SPACA6: variants seen among roughly 807,000 people sequenced by gnomAD.
SPACA6 encodes the protein sperm acrosome membrane-associated protein 6.
For missense variants in SPACA6, 8 were observed against 2.8 expected (o/e 2.88, Z -1.34); for synonymous variants, 6 against 1.5 (o/e 4.05, Z -2.21).
At chr19:51,705,848 C>T (rs969707739), downstream of SPACA6, among the ~76,000 whole-genome samples, 1 of 152,130 alleles carries the variant, frequency 6.6e-6, no homozygotes, top group Middle Eastern at 3.2e-3. Flanking sequence ...AGGTGCCCAC[C>T]ACCACACCCG....
chr19:51,700,774 C>T (rs2083462782), intron 2 of SPACA6, among the ~76,000 whole-genome samples: 1 of 151,954 alleles, frequency 6.6e-6, no homozygotes, highest in South Asian at 2.1e-4. Context: ...CAGATGAGAG[C>T]TAGGAATGAA....
At position 51,704,332 on chromosome 19, in the gene SPACA6, T is replaced by A. The variant is rs141873740; in HGVS notation, c.793T>A (p.Trp265Arg). 8,042 of 400,798 alleles carry A rather than the reference T, an allele frequency of 0.02. 115 individuals carry two copies. The highest frequency in any genetic ancestry group is 0.027 in the Non-Finnish European group (6,114 of 226,078). The allele number at this position is 400,798 out of a possible 1,614,324, so 24.8% of individuals were successfully genotyped here. Residue 265 changes from tryptophan (W) to arginine (R), a missense_variant, in exon 8 of 9, where the codon TGG (tryptophan) becomes AGG (arginine). Transcript: ENST00000637797. ...GGCCTCGTTCCGGGAAGTGCTGCGC[T>A]GGGCGCCGCGGGATGCCGAGCTGAT... Reference protein sequence around the residue: ...LQASFREVLRWAPRDAELIEP... With the variant: ...LQASFREVLRRAPRDAELIEP...
intron 2 of SPACA6, among the ~76,000 whole-genome samples, chr19:51,695,542 G>A (rs1383548581): frequency 6.6e-6 from 1 of 152,220 alleles, no homozygotes; most frequent in African/African-American, 2.4e-5. Context: ...CCACCCAGGG[G>A]GCATCCAGGG....
At position 51,693,683 on chromosome 19, in the gene SPACA6, G is replaced by C; in HGVS notation, c.157G>C (p.Glu53Gln). 1 of 413,378 alleles carries C rather than the reference G, an allele frequency of 2.4e-6. No individual in the cohort carries two copies. Among genetic ancestry groups the C allele is most frequent in the Non-Finnish European group, 4.3e-6 (1 of 232,578 alleles). 25.6% of individuals were successfully genotyped at this position (413,378 alleles called of 1,614,324 possible). ...MFVGMRSPKL[E>Q]ECEEAFTAAF... Reference sequence around the variant, plus strand: ...TGTTGGGATGCGGAGCCCCAAGCTTGAAGAGTGTGAGGAGGCCTTCACGGC... The same window carrying C: ...TGTTGGGATGCGGAGCCCCAAGCTTCAAGAGTGTGAGGAGGCCTTCACGGC... Residue 53 changes from glutamate (E) to glutamine (Q), a missense_variant, in exon 1 of 9, where the codon GAA (glutamate) becomes CAA (glutamine). Transcript: ENST00000637797.
downstream of SPACA6, among the ~76,000 whole-genome samples, chr19:51,706,286 T>G (rs938319927): frequency 1.3e-5 from 2 of 152,138 alleles, no homozygotes; most frequent in Non-Finnish European, 2.9e-5. Context: ...GAATAATATT[T>G]TCTCCTTTTT....
chr19:51,697,338 C>T (rs1474496316), intron 2 of SPACA6, among the ~76,000 whole-genome samples: 1 of 152,130 alleles, frequency 6.6e-6, no homozygotes, highest in Non-Finnish European at 1.5e-5. Flanking sequence ...TGGCTTGGAC[C>T]AGTCACAGTG....
chr19:51,682,761 T>C, the SPACA6 span, among the ~76,000 whole-genome samples: 1 of 152,158 alleles, frequency 6.6e-6, no homozygotes, highest in East Asian at 1.9e-4. Flanking sequence ...ACAGAAATTA[T>C]CCGGGCACAG....
At chr19:51,691,202 A>AG (rs2083368999), upstream of SPACA6, among the ~76,000 whole-genome samples, 2 of 148,316 alleles carry the variant, frequency 1.3e-5, no homozygotes, top group South Asian at 4.3e-4. Context: ...GGAAGGAGAA[A>AG]AGAGAGAGAG....
chr19:51,709,166 CATGATTACATCACTGCAG>C (rs2083530307), downstream of SPACA6, among the ~76,000 whole-genome samples: 1 of 150,116 alleles, frequency 6.7e-6, no homozygotes, highest in African/African-American at 2.5e-5. Context: ...TGCAGTGAGC[CATGATTACATCACTGCAG>C]TCCAACCTGG....
chr19:51,692,508 G>A, upstream of SPACA6: 1 of 428,586 alleles, frequency 2.3e-6, no homozygotes. This position sits in a 1 kb window ranked among gnomAD's most constrained non-coding sequence, Gnocchi z 5.6. Context: ...GGAGGAGGGG[G>A]ATGAGAGCCT....
At chr19:51,700,949 C>T (rs1163576981) in intron 2 of SPACA6, among the ~76,000 whole-genome samples, 10 of 152,074 alleles carry the variant, frequency 6.6e-5, no homozygotes, top group East Asian at 1.9e-4. Context: ...AGGCCAGGCA[C>T]GGTGGCTCAT....
At chr19:51,688,902 G>GGAGA (rs138147326), upstream of SPACA6, among the ~76,000 whole-genome samples, 1,084 of 70,910 alleles carry the variant, frequency 0.015, 14 homozygotes, top group African/African-American at 0.049. Context: ...AGGGAAAGAG[G>GGAGA]GAGAGAGAGA....
upstream of SPACA6, among the ~76,000 whole-genome samples, chr19:51,689,876 C>T (rs1423090768): frequency 6.6e-6 from 1 of 151,260 alleles, no homozygotes; most frequent in East Asian, 2.0e-4. Flanking sequence ...GCGAGCTGCC[C>T]GAGCCCTCGG....
rs2083493535 is a variant in SPACA6, at chr19:51,704,127, T to C, written c.671T>C (p.Phe224Ser). The C allele has an allele frequency of 2.5e-6, 1 of 401,082 alleles. No homozygotes were observed. The allele number at this position is 401,082 out of a possible 1,614,324, so 24.8% of individuals were successfully genotyped here. Residue 224 changes from phenylalanine (F) to serine (S), a missense_variant, in exon 7 of 9, where the codon TTC becomes TCC. Phe to Ser is a radical substitution (Grantham distance 155). Transcript: ENST00000637797. Reference sequence around the variant, plus strand: ...GCTCAGCTCACGCACCGCGGGACGTTCTCCTGCGTGATCAAGCAAGACCAG... The same window carrying C: ...GCTCAGCTCACGCACCGCGGGACGTCCTCCTGCGTGATCAAGCAAGACCAG... ...RPAQLTHRGT[F>S]SCVIKQDQRP...
upstream of SPACA6, chr19:51,693,232 A>T (rs1487600755): frequency 1.5e-6 from 1 of 646,112 alleles, no homozygotes; most frequent in Non-Finnish European, 3.0e-6. Context: ...CCCAGGGTCT[A>T]CCGGGCCACC....
chr19:51,706,659 T>G (rs1369017259), downstream of SPACA6, among the ~76,000 whole-genome samples: 3 of 151,712 alleles, frequency 2.0e-5, no homozygotes, highest in Non-Finnish European at 2.9e-5. Context: ...CATCTGGACC[T>G]AATGTTAACT....
chr19:51,703,089 G>T lies in SPACA6; in HGVS notation c.454G>T (p.Asp152Tyr), dbSNP rs1235391861. 1.5e-5 allele frequency: 6 copies of T among 399,404 alleles called. No homozygotes were observed. The highest frequency in any genetic ancestry group is 2.2e-5 in the Non-Finnish European group (5 of 226,380). The allele number at this position is 399,404 out of a possible 1,614,324, so 24.7% of individuals were successfully genotyped here. Residue 152 changes from aspartate to tyrosine, a missense_variant, in exon 5 of 9, where the codon GAC (aspartate) becomes TAC (tyrosine). By Grantham distance (160) the Asp-to-Tyr change is radical. Coordinates refer to ENST00000637797, the MANE Select transcript of SPACA6 (RefSeq NM_001316972.2). This position sits in a 1 kb window ranked among gnomAD's most constrained non-coding sequence, Gnocchi z 4.2. ...CTCTAGGGTCTGCGACCTCCCGCTG[G>T]ACTGCCCAGGTGAGGGGGCGGGGCC... ...CYSRVCDLPLDCPVQDVTVTR... is the reference protein window; with the variant it reads ...CYSRVCDLPLYCPVQDVTVTR...
At chr19:51,693,214 AC>A, upstream of SPACA6, 1 of 574,130 alleles carries the variant, frequency 1.7e-6, no homozygotes, top group Admixed American at 2.4e-5. Flanking sequence ...TCCATCTCTG[AC>A]CCCCACCCCA....
chr19:51,701,520 G>A (rs987119571), intron 2 of SPACA6, 138 bp from the exon 3 acceptor site: 19 of 386,236 alleles, frequency 4.9e-5, no homozygotes, highest in Non-Finnish European at 8.7e-5. Flanking sequence ...GGCCAGGGAA[G>A]GGCAGATACC....
Sources: gnomAD v4.1 joint callset for allele counts (sites outside exome capture counted in the v4.1 genomes callset) on GRCh38, gnomAD v4.1.1 for gene constraint, Gnocchi (gnomAD v3.1) non-coding constraint, MANE v1.5 for transcripts, NCBI Gene and HGNC (gene_info 2026-07-23, HGNC 2026-07-21) for gene names.